Variants in HMBOX1 observed in about 807,000 individuals in gnomAD.
The protein encoded by HMBOX1 is homeobox-containing protein 1.
A neutral mutation model predicts 54.5 loss-of-function variants in HMBOX1; 14 were observed. That is an observed-to-expected ratio of 0.26 (90% CI 0.17 to 0.40). The LOEUF (loss-of-function observed/expected upper bound fraction) is 0.40. Among genes scored for constraint, HMBOX1 ranks in the 10% least tolerant of loss-of-function variants. The pLI is 1.00. For synonymous variants in HMBOX1, 160 were observed against 181.0 expected, an observed-to-expected ratio of 0.88 and a Z score of 0.93; for missense variants, 332 against 514.4, an observed-to-expected ratio of 0.65 and a Z score of 3.43.
intron 1 of HMBOX1, among the ~76,000 whole-genome samples, chr8:28,903,857 A>G: frequency 6.6e-6 from 1 of 152,182 alleles, no homozygotes; most frequent in East Asian, 1.9e-4. Flanking sequence ...TCAACTGGTG[A>G]TTTTACCCTC....
intron 1 of HMBOX1, among the ~76,000 whole-genome samples, chr8:28,939,518 G>GT (rs1820973479): frequency 1.3e-5 from 2 of 151,654 alleles, no homozygotes; most frequent in East Asian, 2.0e-4. Flanking sequence ...TTTTGTTTTT[G>GT]TTTTTTGAGA....
chr8:28,981,833 C>T (rs376224128), intron 4 of HMBOX1, among the ~76,000 whole-genome samples: 7 of 152,152 alleles, frequency 4.6e-5, no homozygotes, highest in East Asian at 3.9e-4. Flanking sequence ...TATAGTATTG[C>T]CTTTTTTGGA....
intron 3 of HMBOX1, among the ~76,000 whole-genome samples, chr8:28,978,730 T>G (rs1032489987): frequency 2.2e-5 from 3 of 135,818 alleles, no homozygotes; most frequent in Non-Finnish European, 4.5e-5. Context: ...GAGCTTGCAG[T>G]GAGCCGAGAT....
chr8:28,911,544 CAG>C, intron 1 of HMBOX1, among the ~76,000 whole-genome samples: 1 of 152,172 alleles, frequency 6.6e-6, no homozygotes, highest in African/African-American at 2.4e-5. Context: ...TTAGTAGAGA[CAG>C]GATTTCACCA....
intron 1 of HMBOX1, among the ~76,000 whole-genome samples, chr8:28,930,860 T>A (rs1291841050): frequency 6.6e-6 from 1 of 152,214 alleles, no homozygotes; most frequent in Non-Finnish European, 1.5e-5. Context: ...TTGTTTGATT[T>A]GTGTTAACTA....
chr8:28,892,718 T>C (rs952549502), intron 1 of HMBOX1, among the ~76,000 whole-genome samples: 4 of 152,146 alleles, frequency 2.6e-5, no homozygotes, highest in Admixed American at 2.6e-4. Context: ...GTAGCATGTA[T>C]ATTTCAATTG....
chr8:28,957,634 AT>A (rs1350087520), intron 1 of HMBOX1, among the ~76,000 whole-genome samples: 2 of 152,020 alleles, frequency 1.3e-5, no homozygotes, highest in East Asian at 3.9e-4. Flanking sequence ...TATTGTTATT[AT>A]TTTTTGAGAT....
intron 6 of HMBOX1, among the ~76,000 whole-genome samples, chr8:29,021,989 T>TGGAC (rs1554575099): frequency 4.0e-5 from 6 of 151,754 alleles, no homozygotes; most frequent in Non-Finnish European, 5.9e-5. Context: ...TTATATTGAT[T>TGGAC]GGGCTGTAGA....
chr8:29,035,690 CA>C (rs1383498304), intron 6 of HMBOX1, among the ~76,000 whole-genome samples: 1 of 152,210 alleles, frequency 6.6e-6, no homozygotes, highest in Non-Finnish European at 1.5e-5. Context: ...AGGAAATCCA[CA>C]GACTAGCAAA....
At chr8:29,006,033 C>A (rs1013070106) in intron 4 of HMBOX1, among the ~76,000 whole-genome samples, 1 of 144,364 alleles carries the variant, frequency 6.9e-6, no homozygotes, top group Admixed American at 7.0e-5. Context: ...CACTCTGTCA[C>A]CCAGGCTGGA....
chr8:29,031,433 TATA>T (rs748188268), intron 6 of HMBOX1, among the ~76,000 whole-genome samples: 2 of 152,004 alleles, frequency 1.3e-5, no homozygotes, highest in Non-Finnish European at 2.9e-5. Flanking sequence ...AGTATATTAT[TATA>T]ATAACGTAAA....
intron 1 of HMBOX1, among the ~76,000 whole-genome samples, chr8:28,902,561 A>C (rs190555349): frequency 6.6e-6 from 1 of 152,168 alleles, no homozygotes; most frequent in Non-Finnish European, 1.5e-5. Context: ...TGGGGAAAAC[A>C]TAATGTCTCC....
chr8:28,982,666 C>T (rs1429122320), intron 4 of HMBOX1, among the ~76,000 whole-genome samples: 1 of 151,286 alleles, frequency 6.6e-6, no homozygotes, highest in Non-Finnish European at 1.5e-5. Flanking sequence ...TGCTCTGTCG[C>T]CCAAGCTAGA....
intron 3 of HMBOX1, among the ~76,000 whole-genome samples, chr8:28,972,000 T>C (rs1827509827): frequency 6.6e-6 from 1 of 152,212 alleles, no homozygotes; most frequent in Non-Finnish European, 1.5e-5. Context: ...CACATAATAA[T>C]ATTGCCACAT....
At chr8:28,969,773 T>G (rs1827073462) in intron 2 of HMBOX1, among the ~76,000 whole-genome samples, 1 of 152,182 alleles carries the variant, frequency 6.6e-6, no homozygotes, top group South Asian at 2.1e-4. Context: ...TAACTAAAAT[T>G]TTGGTTCTGA....
At chr8:29,046,775 G>A (rs1223429604) in intron 7 of HMBOX1, among the ~76,000 whole-genome samples, 1 of 152,198 alleles carries the variant, frequency 6.6e-6, no homozygotes, top group African/African-American at 2.4e-5. Flanking sequence ...GAGCCCAGGA[G>A]TTGGAGGCTA....
At chr8:28,944,224 A>G (rs753048629) in intron 1 of HMBOX1, among the ~76,000 whole-genome samples, 10 of 152,212 alleles carry the variant, frequency 6.6e-5, no homozygotes, top group African/African-American at 9.6e-5. Flanking sequence ...TGAGATTCGA[A>G]TACTGCATTT....
chr8:28,966,583 A>G (rs1418960521), intron 2 of HMBOX1, among the ~76,000 whole-genome samples: 1 of 152,230 alleles, frequency 6.6e-6, no homozygotes, highest in Non-Finnish European at 1.5e-5. Context: ...TCGTGATTAT[A>G]TGCTTAAACT....
chr8:28,961,281 C>T (rs1825544468), intron 1 of HMBOX1, among the ~76,000 whole-genome samples: 1 of 152,102 alleles, frequency 6.6e-6, no homozygotes, highest in Non-Finnish European at 1.5e-5. Flanking sequence ...TAAATACATA[C>T]AGTATACAGC....
Sources: gnomAD v4.1 joint callset for allele counts (sites outside exome capture counted in the v4.1 genomes callset) on GRCh38, gnomAD v4.1.1 for gene constraint, MANE v1.5 for transcripts, NCBI Gene and HGNC (gene_info 2026-07-23, HGNC 2026-07-21) for gene names.